The following TEX11 variants were observed in gnomAD, a reference collection of about 807,000 sequenced individuals.
TEX11 encodes the protein testis-expressed protein 11.
Under a neutral mutation model 84.4 loss-of-function variants are expected in TEX11, and 7 were observed. That is an observed-to-expected ratio of 0.08 (90% CI 0.05 to 0.16). The LOEUF (loss-of-function observed/expected upper bound fraction) is 0.16, where lower values mean the gene tolerates loss of function less well. Ranked by LOEUF, TEX11 falls within the 10% of genes least tolerant of loss-of-function variation. TEX11 has a pLI of 1.00. For missense variants in TEX11, 551 were observed against 660.5 expected (o/e 0.83, Z 1.82); for synonymous variants, 264 against 222.8 (o/e 1.18, Z -1.64).
chrX:70,678,685 A>G, intron 15 of TEX11, 119 bp downstream of exon 15: 1 of 532,799 alleles, frequency 1.9e-6, no homozygotes, highest in East Asian at 3.8e-5. Flanking sequence ...TAATAAATAT[A>G]TGGTATCTAA....
chrX:70,715,034 T>C (rs1351139941), intron 13 of TEX11, among the ~76,000 whole-genome samples: 2 of 111,565 alleles, frequency 1.8e-5, no homozygotes, highest in Non-Finnish European at 3.8e-5. Flanking sequence ...AAGGATTTTA[T>C]TTCTCCTTCA....
chrX:70,860,378 A>T (rs2091562236), intron 5 of TEX11, among the ~76,000 whole-genome samples: 1 of 112,167 alleles, frequency 8.9e-6, no homozygotes, highest in South Asian at 3.7e-4. Context: ...TCTAAGGTAG[A>T]TATTACTATT....
chrX:70,866,928 C>A (rs2091602560), intron 4 of TEX11, among the ~76,000 whole-genome samples: 1 of 111,985 alleles, frequency 8.9e-6, no homozygotes, highest in Non-Finnish European at 1.9e-5. Flanking sequence ...ACTGAATGGG[C>A]AAAAGCTGGA....
intron 2 of TEX11, among the ~76,000 whole-genome samples, chrX:70,906,147 C>CA (rs1444520602): frequency 9.8e-5 from 4 of 41,001 alleles, no homozygotes; most frequent in African/African-American, 3.1e-4. Context: ...CAATGCTGAG[C>CA]AAAAAAAGGA....
At chrX:70,576,242 G>A (rs763766515) in intron 25 of TEX11, among the ~76,000 whole-genome samples, 7 of 111,634 alleles carry the variant, frequency 6.3e-5, no homozygotes, top group East Asian at 5.6e-4. Flanking sequence ...AAAGGATGGC[G>A]TTTTCCAATT....
At chrX:70,681,265 C>G (rs2090145568) in intron 14 of TEX11, among the ~76,000 whole-genome samples, 1 of 112,276 alleles carries the variant, frequency 8.9e-6, no homozygotes, top group African/African-American at 3.2e-5. Context: ...TGAGAGTAAA[C>G]AGCTACTAAA....
At chrX:70,626,729 A>T (rs985329409) in intron 18 of TEX11, among the ~76,000 whole-genome samples, 1 of 112,608 alleles carries the variant, frequency 8.9e-6, no homozygotes, top group African/African-American at 3.2e-5. Context: ...AAAAAAATAC[A>T]TACAACTACT....
chrX:70,533,037 C>CA (rs2087909274), intron 28 of TEX11, among the ~76,000 whole-genome samples: 1 of 109,462 alleles, frequency 9.1e-6, no homozygotes, highest in South Asian at 3.8e-4. Flanking sequence ...GATTCTGTCT[C>CA]AAAAAAATAA....
chrX:70,568,123 C>T (rs1295854381), intron 25 of TEX11, among the ~76,000 whole-genome samples: 2 of 111,700 alleles, frequency 1.8e-5, no homozygotes, highest in Non-Finnish European at 3.8e-5. Flanking sequence ...GGATAGTTAG[C>T]TCTTCTTGTT....
intron 2 of TEX11, among the ~76,000 whole-genome samples, chrX:70,894,213 A>T (rs1030086688): frequency 1.8e-5 from 2 of 111,318 alleles, no homozygotes; most frequent in African/African-American, 6.5e-5. Flanking sequence ...CTACTCCCTA[A>T]CTCATTTTAT....
intron 16 of TEX11, among the ~76,000 whole-genome samples, chrX:70,652,723 C>A (rs184493210): frequency 9.0e-6 from 1 of 111,404 alleles, no homozygotes; most frequent in African/African-American, 3.2e-5. Context: ...CCCAATTACC[C>A]AAATTAAAAC....
chrX:70,611,173 G>A (rs186537017), intron 20 of TEX11, among the ~76,000 whole-genome samples: 83 of 112,276 alleles, frequency 7.4e-4, no homozygotes, highest in Non-Finnish European at 9.4e-4. Flanking sequence ...GAGAACTTCC[G>A]GTTTCTAGTT....
At chrX:70,836,286 C>CATGA (rs778487546) in intron 7 of TEX11, among the ~76,000 whole-genome samples, 1 of 111,305 alleles carries the variant, frequency 9.0e-6, no homozygotes, top group East Asian at 2.8e-4. Flanking sequence ...CATTCTGAGA[C>CATGA]ATGACACCAA....
At chrX:70,713,090 C>T (rs9697866) in intron 13 of TEX11, among the ~76,000 whole-genome samples, 8,649 of 111,184 alleles carry the variant, frequency 0.078, 421 homozygotes, top group Admixed American at 0.24. Flanking sequence ...TGCTGGATTA[C>T]GTTTATTGAT....
At chrX:70,513,445 A>G in the TEX11 span, among the ~76,000 whole-genome samples, 1 of 106,133 alleles carries the variant, frequency 9.4e-6, no homozygotes, top group Non-Finnish European at 1.9e-5. Flanking sequence ...AATGAAATAT[A>G]TATATAATGA....
chrX:70,700,849 C>A (rs1244446899), intron 13 of TEX11, among the ~76,000 whole-genome samples: 2 of 111,914 alleles, frequency 1.8e-5, no homozygotes, highest in African/African-American at 6.5e-5. Flanking sequence ...AGCAAAACAG[C>A]CTTATTGCTA....
chrX:70,556,438 G>A (rs2088287638), intron 25 of TEX11, among the ~76,000 whole-genome samples: 1 of 111,634 alleles, frequency 9.0e-6, no homozygotes, highest in Non-Finnish European at 1.9e-5. Flanking sequence ...AGATAACTTT[G>A]TATTATAGAT....
intron 28 of TEX11, among the ~76,000 whole-genome samples, chrX:70,544,855 A>AAAAAC (rs2088098054): frequency 9.3e-6 from 1 of 108,018 alleles, no homozygotes; most frequent in Non-Finnish European, 1.9e-5. Context: ...AAAAAAAAAA[A>AAAAAC]AAACCCAAAA....
At chrX:70,863,264 G>A (rs1373759492) in intron 4 of TEX11, among the ~76,000 whole-genome samples, 2 of 111,905 alleles carry the variant, frequency 1.8e-5, no homozygotes, top group Non-Finnish European at 1.9e-5. Flanking sequence ...CCTGACCCCC[G>A]TGCCTCCTGA....
Sources: gnomAD v4.1 joint callset for allele counts (sites outside exome capture counted in the v4.1 genomes callset) on GRCh38, gnomAD v4.1.1 for gene constraint, MANE v1.5 for transcripts, NCBI Gene and HGNC (gene_info 2026-07-23, HGNC 2026-07-21) for gene names.